The following AIG1 variants were observed in gnomAD, a reference collection of about 807,000 sequenced individuals.
AIG1 encodes androgen induced 1.
Under a neutral mutation model 31.4 loss-of-function variants are expected in AIG1, and 23 were observed. The observed-to-expected ratio is 0.73, with a 90% CI of 0.53 to 1.04. The LOEUF (loss-of-function observed/expected upper bound fraction) is 1.04. Among genes scored for constraint, AIG1 ranks in the 50% least tolerant of loss-of-function variants. The probability of loss-of-function intolerance (pLI) is 0.00; values close to 1 mark genes in which losing one functional copy is unlikely to be tolerated. For synonymous variants in AIG1, 100 were observed against 110.5 expected (o/e 0.90, Z 0.60); for missense variants, 274 against 295.0 (o/e 0.93, Z 0.52).
chr6:143,341,816 T>C (rs956174696), downstream of AIG1, among the ~76,000 whole-genome samples: 10 of 152,212 alleles, frequency 6.6e-5, no homozygotes, highest in African/African-American at 1.9e-4. Context: ...GGATGATAAA[T>C]TATTGTAAGC....
chr6:143,125,853 G>GT (rs1782644653), intron 1 of AIG1, among the ~76,000 whole-genome samples: 1 of 152,308 alleles, frequency 6.6e-6, no homozygotes, highest in East Asian at 1.9e-4. Context: ...GAAAACTTAT[G>GT]TTTTTTCCTG....
chr6:143,293,377 T>C lies in AIG1; in HGVS notation c.515+9152T>C, dbSNP rs1173150392. ...TAAGTTATTTCCGGAGCTCTGCTTT[T>C]CCCATGAGATTCGAGAATGTCATTG... On this transcript the variant is annotated intron_variant, in intron 4 of 5. Transcript: ENST00000357847. The surrounding 1 kb of genome is among the most constrained non-coding windows in gnomAD (Gnocchi z 4.8). Among the ~76,000 whole-genome samples, 1 of 152,210 alleles carries C rather than the reference T, an allele frequency of 6.6e-6. No individual in the cohort carries two copies. The highest frequency in any genetic ancestry group is 1.5e-5 in the Non-Finnish European group (1 of 68,040).
intron 4 of AIG1, among the ~76,000 whole-genome samples, chr6:143,296,753 T>G (rs981600298): frequency 3.3e-5 from 5 of 152,204 alleles, no homozygotes; most frequent in Admixed American, 2.6e-4. Context: ...AAGAGAAACT[T>G]GATCTAAAAT....
intron 1 of AIG1, among the ~76,000 whole-genome samples, chr6:143,102,857 G>A (rs1367434341): frequency 1.3e-5 from 2 of 151,978 alleles, no homozygotes; most frequent in African/African-American, 4.8e-5. Context: ...CAAGCCAAAG[G>A]CAAACTAAAA....
At chr6:143,250,191 C>T (rs954278748) in intron 3 of AIG1, among the ~76,000 whole-genome samples, 12 of 152,214 alleles carry the variant, frequency 7.9e-5, no homozygotes, top group South Asian at 2.1e-4. Flanking sequence ...TGATTGTGAT[C>T]ACTTGTGTCT....
At chr6:143,095,976 G>A (rs1332468838) in intron 1 of AIG1, among the ~76,000 whole-genome samples, 5 of 141,776 alleles carry the variant, frequency 3.5e-5, no homozygotes, top group Admixed American at 8.0e-5. Flanking sequence ...GCACGATCTC[G>A]GCTCACTGCA....
At chr6:143,110,465 T>A (rs1403907411) in intron 1 of AIG1, among the ~76,000 whole-genome samples, 3 of 152,214 alleles carry the variant, frequency 2.0e-5, no homozygotes, top group Non-Finnish European at 2.9e-5. Flanking sequence ...TTCTTAAGTC[T>A]TCTTTCACCT....
Position 143,284,001 on chromosome 6 carries a change from C to A in AIG1, c.400-109C>A. 1 of 703,582 alleles carries A rather than the reference C, an allele frequency of 1.4e-6. No individual in the cohort carries two copies. The allele number at this position is 703,582 out of a possible 1,614,324, so 43.6% of individuals were successfully genotyped here. A position where few individuals can be genotyped will look rare whatever the true frequency, so the allele number is the denominator to read the frequency against. On this transcript the variant is annotated intron_variant, in intron 3 of 5. Coordinates refer to ENST00000357847, the MANE Select transcript of AIG1 (RefSeq NM_016108.4). This position sits in a 1 kb window ranked among gnomAD's most constrained non-coding sequence, Gnocchi z 4.4. ...TTGGCGAGCCATAGACTTCTTTCTG[C>A]CTGACACTTTCCTAGGAATTTATAG... is the stretch of plus-strand genomic sequence containing the variant.
chr6:143,150,584 A>G (rs1182911032), intron 2 of AIG1, among the ~76,000 whole-genome samples: 1 of 152,192 alleles, frequency 6.6e-6, no homozygotes, highest in African/African-American at 2.4e-5. Context: ...TGGCTGTGGC[A>G]GCTGGTTCTT....
At chr6:143,276,494 G>A (rs1161053682) in intron 3 of AIG1, among the ~76,000 whole-genome samples, 8 of 152,128 alleles carry the variant, frequency 5.3e-5, no homozygotes, top group Non-Finnish European at 1.2e-4. Context: ...GCAGGAACAG[G>A]TATCCAACAT....
At chr6:143,269,924 G>A (rs1364316872) in intron 3 of AIG1, among the ~76,000 whole-genome samples, 2 of 152,118 alleles carry the variant, frequency 1.3e-5, no homozygotes, top group African/African-American at 4.8e-5. Flanking sequence ...AGGAACATTT[G>A]TTGATTTTTC....
Position 143,333,239 on chromosome 6 carries a change from A to C in AIG1, c.516-43A>C. On this transcript the variant is annotated intron_variant, in intron 4 of 5. Coordinates refer to ENST00000357847, the MANE Select transcript of AIG1 (RefSeq NM_016108.4). This position sits in a 1 kb window ranked among gnomAD's most constrained non-coding sequence, Gnocchi z 4.6. ...TCATAGCAGCTTTGATGCCTGCCATAAGAGTGACTCCTGTCCTTGTCTCCT... is the reference window on the plus strand; with the variant it reads ...TCATAGCAGCTTTGATGCCTGCCATCAGAGTGACTCCTGTCCTTGTCTCCT... The C allele has an allele frequency of 1.3e-6, 2 of 1,552,060 alleles. No individual in the cohort carries two copies. Among genetic ancestry groups the C allele is most frequent in the Non-Finnish European group, 1.7e-6 (2 of 1,149,340 alleles).
chr6:143,112,945 A>T (rs766204255), intron 1 of AIG1, among the ~76,000 whole-genome samples: 13 of 152,222 alleles, frequency 8.5e-5, no homozygotes, highest in Non-Finnish European at 1.8e-4. Flanking sequence ...ACTTGAAAAA[A>T]TAAGCATCTT....
intron 1 of AIG1, among the ~76,000 whole-genome samples, chr6:143,065,049 C>T (rs1175062651): frequency 1.3e-5 from 2 of 152,120 alleles, no homozygotes; most frequent in South Asian, 2.1e-4. Flanking sequence ...GACTTATTGT[C>T]CAGAAGAAGA....
intron 3 of AIG1, among the ~76,000 whole-genome samples, chr6:143,261,996 G>A (rs1795813042): frequency 2.0e-5 from 3 of 152,234 alleles, no homozygotes; most frequent in Non-Finnish European, 4.4e-5. Context: ...ATGAGAGAGA[G>A]TATCTAACTT....
At chr6:143,219,808 G>C (rs1792327516) in intron 3 of AIG1, among the ~76,000 whole-genome samples, 1 of 152,152 alleles carries the variant, frequency 6.6e-6, no homozygotes, top group African/African-American at 2.4e-5. Context: ...GGTTAGATTA[G>C]CAGAGTAGCA....
At chr6:143,117,664 A>G (rs914094695) in intron 1 of AIG1, among the ~76,000 whole-genome samples, 4 of 152,162 alleles carry the variant, frequency 2.6e-5, no homozygotes, top group African/African-American at 9.7e-5. Flanking sequence ...CTGAGGACGA[A>G]AATACCAGGA....
chr6:143,293,426 T>C lies in AIG1; in HGVS notation c.515+9201T>C, dbSNP rs1035713071. 6.6e-6 allele frequency among the ~76,000 whole-genome samples: 1 copy of C among 152,212 alleles called. No individual in the cohort carries two copies. Among genetic ancestry groups the C allele is most frequent in the African/African-American group, 2.4e-5 (1 of 41,452 alleles). ...TGCTTTCCCATTATTCCAATCTGCG[T>C]ATTTTTACAAGCACTGTGCTGAGAA... On this transcript the variant is annotated intron_variant, in intron 4 of 5. Coordinates refer to ENST00000357847, the MANE Select transcript of AIG1 (RefSeq NM_016108.4). The surrounding 1 kb of genome is among the most constrained non-coding windows in gnomAD (Gnocchi z 4.8).
chr6:143,316,685 GA>G (rs899747980), intron 4 of AIG1, among the ~76,000 whole-genome samples: 1 of 150,668 alleles, frequency 6.6e-6, no homozygotes, highest in African/African-American at 2.4e-5. Flanking sequence ...AACAAACAAA[GA>G]AAAAAAATAC....
Sources: allele counts gnomAD v4.1 joint callset (sites outside exome capture counted in the v4.1 genomes callset), GRCh38; gene constraint gnomAD v4.1.1; non-coding constraint Gnocchi (gnomAD v3.1); transcripts MANE v1.5; gene names NCBI Gene and HGNC (gene_info 2026-07-23, HGNC 2026-07-21).